The following KCNIP4 variants were observed in gnomAD, a reference collection of about 807,000 sequenced individuals.
KCNIP4 encodes the protein potassium voltage-gated channel interacting protein 4.
KCNIP4 carries 12 observed loss-of-function variants against 34.0 expected under a neutral mutation model. The observed-to-expected ratio is 0.35, with a 90% CI of 0.23 to 0.57. KCNIP4 has a LOEUF of 0.57. Among genes scored for constraint, KCNIP4 ranks in the 20% least tolerant of loss-of-function variants. KCNIP4 has a pLI of 0.83. For missense variants in KCNIP4, 238 were observed against 311.7 expected, an observed-to-expected ratio of 0.76 and a Z score of 1.78; for synonymous variants, 124 against 102.2, an observed-to-expected ratio of 1.21 and a Z score of -1.29.
At chr4:21,010,174 A>G (rs1738944653) in intron 1 of KCNIP4, among the ~76,000 whole-genome samples, 1 of 152,188 alleles carries the variant, frequency 6.6e-6, no homozygotes, top group Non-Finnish European at 1.5e-5. Context: ...AGGGGGTCAC[A>G]GATGTCACTA....
At chr4:21,895,053 C>T (rs1727307097) in intron 1 of KCNIP4, among the ~76,000 whole-genome samples, 3 of 152,170 alleles carry the variant, frequency 2.0e-5, no homozygotes, top group Non-Finnish European at 1.5e-5. Flanking sequence ...GGCTTTCCAT[C>T]CATAGTGGGA....
intron 2 of KCNIP4, among the ~76,000 whole-genome samples, chr4:20,872,044 A>G (rs1266900963): frequency 6.6e-6 from 1 of 152,142 alleles, no homozygotes; most frequent in Middle Eastern, 3.2e-3. Context: ...ATGAATCCAC[A>G]TACAGGATTT....
chr4:21,369,764 T>C (rs1322244242), intron 1 of KCNIP4, among the ~76,000 whole-genome samples: 2 of 146,834 alleles, frequency 1.4e-5, no homozygotes, highest in African/African-American at 5.5e-5. Flanking sequence ...ATGCAGTTTG[T>C]TGTTTGGAGT....
intron 1 of KCNIP4, among the ~76,000 whole-genome samples, chr4:21,279,201 GAACA>G (rs1459082537): frequency 6.6e-6 from 1 of 152,148 alleles, no homozygotes; most frequent in Admixed American, 6.6e-5. Flanking sequence ...CGTAATGGTA[GAACA>G]AACAGTCAAA....
intron 3 of KCNIP4, among the ~76,000 whole-genome samples, chr4:20,837,686 A>ATATTTTTTTT (rs1350419753): frequency 8.5e-6 from 1 of 117,400 alleles, no homozygotes; most frequent in African/African-American, 3.4e-5. Flanking sequence ...ATATATATAT[A>ATATTTTTTTT]TTTTTTTTTC....
chr4:20,796,041 A>G (rs976271592), intron 3 of KCNIP4, among the ~76,000 whole-genome samples: 3 of 152,214 alleles, frequency 2.0e-5, no homozygotes, highest in Non-Finnish European at 4.4e-5. Context: ...TAATAATACC[A>G]CCTACATCAT....
chr4:21,702,990 CAA>C (rs11336169), intron 1 of KCNIP4, among the ~76,000 whole-genome samples: 1 of 150,786 alleles, frequency 6.6e-6, no homozygotes, highest in Non-Finnish European at 1.5e-5. Flanking sequence ...AGGCCCCCCA[CAA>C]AAAAAAATCA....
chr4:21,170,844 G>C (rs1753972282), intron 1 of KCNIP4, among the ~76,000 whole-genome samples: 1 of 150,996 alleles, frequency 6.6e-6, no homozygotes, highest in Non-Finnish European at 1.5e-5. Flanking sequence ...CATAGATATG[G>C]AAGTTTGATT....
chr4:20,739,829 G>T (rs149887712), intron 5 of KCNIP4, among the ~76,000 whole-genome samples: 207 of 152,240 alleles, frequency 1.4e-3, no homozygotes, highest in African/African-American at 4.5e-3. Context: ...CCATCACAAA[G>T]AAGCTAAAAA....
chr4:20,772,543 C>T (rs1176064672), intron 3 of KCNIP4, among the ~76,000 whole-genome samples: 1 of 152,176 alleles, frequency 6.6e-6, no homozygotes, highest in African/African-American at 2.4e-5. Flanking sequence ...GTTGTCTGGT[C>T]ATCTGCTTTG....
intron 1 of KCNIP4, among the ~76,000 whole-genome samples, chr4:21,667,542 A>G (rs1298010825): frequency 6.6e-6 from 1 of 152,176 alleles, no homozygotes; most frequent in Non-Finnish European, 1.5e-5. Context: ...CCACTCAAAC[A>G]GTTTGTCCAG....
chr4:21,929,591 A>C (rs984721672), intron 1 of KCNIP4, among the ~76,000 whole-genome samples: 8 of 152,030 alleles, frequency 5.3e-5, no homozygotes, highest in Non-Finnish European at 4.4e-5. Flanking sequence ...ACATGCCCAA[A>C]CTTTTCCTGC....
chr4:21,087,984 A>T (rs1746620162), intron 1 of KCNIP4, among the ~76,000 whole-genome samples: 2 of 152,114 alleles, frequency 1.3e-5, no homozygotes, highest in Admixed American at 6.5e-5. Context: ...CTATGGCTTC[A>T]TTGGTCATGC....
intron 1 of KCNIP4, among the ~76,000 whole-genome samples, chr4:21,712,664 G>A (rs772805822): frequency 2.6e-5 from 4 of 151,990 alleles, no homozygotes; most frequent in Non-Finnish European, 4.4e-5. Flanking sequence ...TTATATTGCT[G>A]CAGAAACACA....
Position 21,219,741 on chromosome 4 carries a change from A to T in KCNIP4, c.62-337032T>A, listed in dbSNP as rs185473708. ...TTTCAAGTGGGAAGGTGTTTGGTGG[A>T]GTTGACAAATGCTTCATACTTTGAA... On this transcript the variant is annotated intron_variant, in intron 1 of 8. Coordinates refer to ENST00000382152, the MANE Select transcript of KCNIP4 (RefSeq NM_025221.6). Among the ~76,000 whole-genome samples, 470 of 152,288 alleles carry T rather than the reference A, an allele frequency of 3.1e-3. 5 individuals carry two copies. The highest frequency in any genetic ancestry group is 0.01 in the Middle Eastern group (3 of 294).
At chr4:20,876,090 G>C (rs907740290) in intron 2 of KCNIP4, among the ~76,000 whole-genome samples, 3 of 152,140 alleles carry the variant, frequency 2.0e-5, no homozygotes, top group Non-Finnish European at 4.4e-5. Flanking sequence ...CTAATTTAGT[G>C]AATCAATTAT....
At chr4:21,612,242 G>A (rs2109149477) in intron 1 of KCNIP4, among the ~76,000 whole-genome samples, 1 of 152,188 alleles carries the variant, frequency 6.6e-6, no homozygotes, top group Non-Finnish European at 1.5e-5. Context: ...TATGTGCATT[G>A]AACAAATGGA....
chr4:21,171,357 G>C (rs530654264), intron 1 of KCNIP4, among the ~76,000 whole-genome samples: 2 of 152,276 alleles, frequency 1.3e-5, no homozygotes, highest in African/African-American at 4.8e-5. Flanking sequence ...ATGAGAGGGA[G>C]TCCCTGTGTT....
chr4:20,962,369 T>A (rs1266786443), intron 1 of KCNIP4, among the ~76,000 whole-genome samples: 2 of 152,220 alleles, frequency 1.3e-5, no homozygotes, highest in Non-Finnish European at 2.9e-5. Flanking sequence ...GTTCTTGTGC[T>A]TCTTGCACTA....
Sources: allele counts gnomAD v4.1 joint callset (sites outside exome capture counted in the v4.1 genomes callset), GRCh38; gene constraint gnomAD v4.1.1; transcripts MANE v1.5; gene names NCBI Gene and HGNC (gene_info 2026-07-23, HGNC 2026-07-21).